Variants in NECTIN3 observed in about 807,000 individuals in gnomAD.
NECTIN3 encodes the protein nectin-3.
In NECTIN3, 8 loss-of-function variants were observed where a neutral mutation model predicts 49.4. The ratio of observed to expected loss-of-function variants is 0.16; its 90% confidence interval spans 0.10 to 0.29. NECTIN3 has a LOEUF of 0.29. Ranked by LOEUF, NECTIN3 falls within the 10% of genes least tolerant of loss-of-function variation. The pLI is 1.00. For synonymous variants in NECTIN3, 277 were observed against 241.1 expected (o/e 1.15, Z -1.38); for missense variants, 581 against 654.6 (o/e 0.89, Z 1.23).
At chr3:111,129,759 C>T (rs1357836929) in intron 5 of NECTIN3, among the ~76,000 whole-genome samples, 1 of 151,678 alleles carries the variant, frequency 6.6e-6, no homozygotes, top group Non-Finnish European at 1.5e-5. Context: ...AGCAGTTCTC[C>T]TGCCTCAGCC....
chr3:111,096,035 T>G (rs2032566003), intron 1 of NECTIN3, among the ~76,000 whole-genome samples: 1 of 152,162 alleles, frequency 6.6e-6, no homozygotes, highest in South Asian at 2.1e-4. Context: ...TGGAACAGTT[T>G]GGAGGGCTCA....
At chr3:111,157,907 T>A (rs2035130526) in intron 7 of NECTIN3, among the ~76,000 whole-genome samples, 1 of 152,074 alleles carries the variant, frequency 6.6e-6, no homozygotes. Context: ...AACTATACAG[T>A]TGATTAATTA....
chr3:111,080,341 A>G (rs976079792), intron 1 of NECTIN3, among the ~76,000 whole-genome samples: 3 of 152,290 alleles, frequency 2.0e-5, no homozygotes, highest in African/African-American at 7.2e-5. Flanking sequence ...AGTTAATAGT[A>G]AAAATGTTTA....
intron 5 of NECTIN3, among the ~76,000 whole-genome samples, chr3:111,129,654 T>G (rs1259817428): frequency 7.6e-6 from 1 of 131,116 alleles, no homozygotes; most frequent in Non-Finnish European, 1.5e-5. Context: ...TATGAGATAA[T>G]TTTTTTTTTT....
In NECTIN3 at chr3:111,167,866, G is replaced by C. The variant is rs539612302; in HGVS notation, c.1221+20382G>C. ...GATTAGGACAGCATTATAATCTTAG[G>C]CAACTCACTTTTTTTTTCTTTTTTG... On this transcript the variant is annotated intron_variant, in intron 7 of 8. Coordinates refer to the NECTIN3 transcript ENST00000493615. Among the ~76,000 whole-genome samples the C allele has an allele frequency of 3.3e-5, 5 of 152,152 alleles. No individual in the cohort carries two copies. In the East Asian group the frequency reaches 9.7e-4, roughly 29 times the overall value.
At chr3:111,091,265 A>AT (rs2032251876) in intron 1 of NECTIN3, among the ~76,000 whole-genome samples, 1 of 151,536 alleles carries the variant, frequency 6.6e-6, no homozygotes, top group Non-Finnish European at 1.5e-5. Flanking sequence ...TTGTTTATTT[A>AT]TTTTTTTTGA....
At chr3:111,072,599 C>A in intron 1 of NECTIN3, 2 of 1,530,524 alleles carry the variant, frequency 1.3e-6, no homozygotes, top group Non-Finnish European at 1.8e-6. Flanking sequence ...GACCGGAGCC[C>A]GATGGAATGA....
intron 1 of NECTIN3, among the ~76,000 whole-genome samples, chr3:111,100,406 A>G (rs1044087901): frequency 4.6e-5 from 7 of 152,168 alleles, no homozygotes; most frequent in Non-Finnish European, 8.8e-5. Context: ...ACTTGCTTTC[A>G]TGCACAAAAT....
At chr3:111,157,976 T>C (rs910240594) in intron 7 of NECTIN3, among the ~76,000 whole-genome samples, 1 of 152,096 alleles carries the variant, frequency 6.6e-6, no homozygotes, top group Admixed American at 6.5e-5. Context: ...TCTGTAGATG[T>C]TTTTGAATTT....
intron 2 of NECTIN3, among the ~76,000 whole-genome samples, chr3:111,118,274 ATATATATATT>A (rs922799247): frequency 4.4e-5 from 6 of 137,910 alleles, no homozygotes; most frequent in South Asian, 2.2e-4. Flanking sequence ...ATATATATAT[ATATATATATT>A]ATACATATAT....
upstream of NECTIN3, among the ~76,000 whole-genome samples, chr3:111,190,152 C>A (rs1381166351): frequency 6.6e-6 from 1 of 152,100 alleles, no homozygotes; most frequent in African/African-American, 2.4e-5. Flanking sequence ...AGCATTAAAC[C>A]CCAGGGGCCC....
At chr3:111,104,587 C>G (rs1252462147) in intron 1 of NECTIN3, among the ~76,000 whole-genome samples, 1 of 151,956 alleles carries the variant, frequency 6.6e-6, no homozygotes, top group East Asian at 1.9e-4. Context: ...CCCAAAGTTG[C>G]TAGGATTACA....
At chr3:111,090,843 T>A (rs1371346018) in intron 1 of NECTIN3, among the ~76,000 whole-genome samples, 2 of 147,132 alleles carry the variant, frequency 1.4e-5, no homozygotes, top group Non-Finnish European at 3.0e-5. Flanking sequence ...GTGATTGTGG[T>A]TTTTGTCATT....
In NECTIN3 at chr3:111,133,732, C is replaced by G; in HGVS notation, c.1167C>G (p.Phe389Leu). The G allele has an allele frequency of 1.2e-6, 2 of 1,613,970 alleles. No individual in the cohort carries two copies. Among genetic ancestry groups the G allele is most frequent in the Admixed American group, 3.3e-5 (2 of 59,990 alleles). ...DLATEPKKLPFPLSTLATIKD... is the reference protein window; with the variant it reads ...DLATEPKKLPLPLSTLATIKD... ...CAACAGAACCTAAAAAATTGCCCTT[C>G]CCATTGTCAACTTTGGCAACAATTA... The change falls in exon 6 of 6, where the codon TTC (phenylalanine) becomes TTG (leucine). Residue 389 changes from phenylalanine to leucine, a missense_variant. Phe to Leu is a conservative substitution (Grantham distance 22, BLOSUM62 0). Around this residue, in one of 3 missense-constraint regions of NECTIN3, gnomAD observed 238 missense variants for 244.9 expected, o/e 0.97. Transcript: ENST00000485303.
Position 111,072,000 on chromosome 3 carries a change from C to A in NECTIN3, c.-18C>A, listed in dbSNP as rs1170698808. On this transcript the variant is annotated 5_prime_UTR_variant, in exon 1 of 6. Coordinates refer to ENST00000485303, the MANE Select transcript of NECTIN3 (RefSeq NM_015480.3). ...GCCGGGGGGCGGGCGGGCGAGCGGG[C>A]CGGGGGGAGGGTGGGGGATGGCGCG... is the stretch of plus-strand genomic sequence containing the variant. The A allele has an allele frequency of 1.4e-6, 2 of 1,461,626 alleles. No homozygotes were observed. Among genetic ancestry groups the A allele is most frequent in the East Asian group, 2.9e-5 (1 of 34,868 alleles). 90.5% of individuals were successfully genotyped at this position (1,461,626 alleles called of 1,614,324 possible). A position where few individuals can be genotyped will look rare whatever the true frequency, so the allele number is the denominator to read the frequency against.
At chr3:111,188,138 A>G (rs1308358826), upstream of NECTIN3, among the ~76,000 whole-genome samples, 2 of 152,236 alleles carry the variant, frequency 1.3e-5, no homozygotes, top group African/African-American at 2.4e-5. Context: ...AGTTTATGCA[A>G]CATTTCAGGT....
At chr3:111,133,597 C>T (rs1046828904) in intron 5 of NECTIN3, 38 bp from the exon 6 acceptor site, 3 of 1,577,224 alleles carry the variant, frequency 1.9e-6, no homozygotes, top group East Asian at 2.2e-5. Context: ...ACATTCTTTG[C>T]CTTTCTGTGT....
At chr3:111,126,553 A>G (rs2034170386) in intron 5 of NECTIN3, among the ~76,000 whole-genome samples, 1 of 152,144 alleles carries the variant, frequency 6.6e-6, no homozygotes, top group African/African-American at 2.4e-5. Flanking sequence ...TGTCTGTGCA[A>G]CAAGTTTATT....
downstream of NECTIN3, among the ~76,000 whole-genome samples, chr3:111,138,079 A>G (rs1447146521): frequency 6.6e-6 from 1 of 151,510 alleles, no homozygotes; most frequent in Non-Finnish European, 1.5e-5. Context: ...ATTGGCTTTC[A>G]ATTTGGAATT....
Sources: gnomAD v4.1 joint callset for allele counts (sites outside exome capture counted in the v4.1 genomes callset) on GRCh38, gnomAD v4.1.1 for gene constraint, gnomAD v4.1.1 regional missense constraint, MANE v1.5 for transcripts, NCBI Gene and HGNC (gene_info 2026-07-23, HGNC 2026-07-21) for gene names.